Variants in HS3ST1 observed in about 807,000 individuals in gnomAD.
The protein encoded by HS3ST1 is heparan sulfate-glucosamine 3-sulfotransferase 1, also known as heparan sulfate glucosamine 3-O-sulfotransferase 1.
In HS3ST1, 8 loss-of-function variants were observed where a neutral mutation model predicts 20.7. The ratio of observed to expected loss-of-function variants is 0.39; its 90% confidence interval spans 0.23 to 0.70. The LOEUF (loss-of-function observed/expected upper bound fraction) is 0.70, where lower values mean the gene tolerates loss of function less well. Among genes scored for constraint, HS3ST1 ranks in the 30% least tolerant of loss-of-function variants. HS3ST1 has a pLI of 0.46. For synonymous variants in HS3ST1, 205 were observed against 190.4 expected, an observed-to-expected ratio of 1.08 and a Z score of -0.63; for missense variants, 436 against 423.4, an observed-to-expected ratio of 1.03 and a Z score of -0.26.
Position 11,398,806 on chromosome 4 carries a change from C to CTTTT in HS3ST1, c.*272_*275dup. On this transcript the variant is annotated 3_prime_UTR_variant, in exon 2 of 2. Transcript: ENST00000002596. The stretch of plus-strand genomic sequence containing the variant: ...AAAACATAGCGTCTCCAGAAAAAAT[C>CTTTT]TTTTTTTTTTTTTCAGTGAAATAGT... The CTTTT allele has an allele frequency of 4.5e-6, 1 of 222,972 alleles. No homozygotes were observed. The highest frequency in any genetic ancestry group is 8.4e-6 in the Non-Finnish European group (1 of 119,748). 13.8% of individuals were successfully genotyped at this position (222,972 alleles called of 1,614,324 possible). A position where few individuals can be genotyped will look rare whatever the true frequency, so the allele number is the denominator to read the frequency against.
In HS3ST1 at chr4:11,399,704, C is replaced by T; in HGVS notation, c.302G>A (p.Gly101Asp). 3 of 1,613,892 alleles carry T rather than the reference C, an allele frequency of 1.9e-6. No homozygotes were observed. The highest frequency in any genetic ancestry group is 2.5e-6 in the Non-Finnish European group (3 of 1,180,036). Reference protein sequence around the residue: ...DWEEHYSHGLGWYLSQMPFSW... With the variant: ...DWEEHYSHGLDWYLSQMPFSW... ...GAAGGGCATCTGGCTGAGGTACCAG[C>T]CCAAGCCGTGGCTGTAATGCTCCTC... Residue 101 changes from glycine to aspartate, a missense_variant, in exon 2 of 2, where the codon GGC (glycine) becomes GAC (aspartate). Gly to Asp is a moderately conservative substitution (Grantham distance 94). Coordinates refer to ENST00000002596, the MANE Select transcript of HS3ST1 (RefSeq NM_005114.4). The surrounding 1 kb of genome is among the most constrained non-coding windows in gnomAD (Gnocchi z 5.1).
intron 1 of HS3ST1, among the ~76,000 whole-genome samples, chr4:11,410,749 A>G (rs928058859): frequency 6.6e-5 from 10 of 152,120 alleles, no homozygotes; most frequent in Admixed American, 5.2e-4. Flanking sequence ...AAAATTAGCC[A>G]GGCGTGGTGG....
rs116022763 is a variant in HS3ST1 at position 11,408,661 on chromosome 4, A to G, written c.-108-8548T>C. On this transcript the variant is annotated intron_variant, in intron 1 of 1. Transcript: ENST00000002596. ...TGCACAGAAGGCAGCAGTGACCTAAATAAATCCTTCATTAGAAGCAGAAAC... is the reference window on the plus strand; with the variant it reads ...TGCACAGAAGGCAGCAGTGACCTAAGTAAATCCTTCATTAGAAGCAGAAAC... Among the ~76,000 whole-genome samples the G allele has an allele frequency of 4.8e-3, 735 of 152,346 alleles. 5 individuals carry two copies. Among genetic ancestry groups the G allele is most frequent in the African/African-American group, 0.017 (695 of 41,584 alleles).
intron 1 of HS3ST1, among the ~76,000 whole-genome samples, chr4:11,410,018 A>G (rs1718576119): frequency 1.3e-5 from 2 of 152,252 alleles, no homozygotes; most frequent in Admixed American, 1.3e-4. Context: ...ATAAATGGAT[A>G]TAAGTTGCCA....
At chr4:11,418,391 G>A (rs1418583099) in intron 1 of HS3ST1, among the ~76,000 whole-genome samples, 1 of 152,194 alleles carries the variant, frequency 6.6e-6, no homozygotes, top group Non-Finnish European at 1.5e-5. Flanking sequence ...ATTATGAAAT[G>A]TGATTCTCAC....
upstream of HS3ST1, among the ~76,000 whole-genome samples, chr4:11,431,250 A>AAC (rs59190420): frequency 2.0e-5 from 3 of 151,342 alleles, no homozygotes; most frequent in African/African-American, 7.3e-5. Flanking sequence ...AAAAAAAAAA[A>AAC]CTTTGTAAAT....
chr4:11,401,582 G>T (rs1482295513), intron 1 of HS3ST1, among the ~76,000 whole-genome samples: 2 of 152,138 alleles, frequency 1.3e-5, no homozygotes, highest in Admixed American at 6.5e-5. Context: ...ACCCTCAGGT[G>T]ATCTGCCTGC....
intron 1 of HS3ST1, among the ~76,000 whole-genome samples, chr4:11,415,524 CTT>C (rs1296858063): frequency 2.0e-5 from 3 of 152,150 alleles, no homozygotes; most frequent in South Asian, 2.1e-4. Flanking sequence ...TTAGTAATAA[CTT>C]AGGTTTAACA....
intron 1 of HS3ST1, among the ~76,000 whole-genome samples, chr4:11,401,778 T>A (rs1332343918): frequency 6.6e-6 from 1 of 152,230 alleles, no homozygotes. Context: ...TCCACAAAAC[T>A]TCTCCTCTTT....
At chr4:11,434,138 G>A (rs1399834636), upstream of HS3ST1, among the ~76,000 whole-genome samples, 1 of 152,164 alleles carries the variant, frequency 6.6e-6, no homozygotes, top group Non-Finnish European at 1.5e-5. Flanking sequence ...TTACACAATG[G>A]TAGAGTTCTC....
At chr4:11,421,884 A>G (rs1718947785) in intron 1 of HS3ST1, among the ~76,000 whole-genome samples, 1 of 152,206 alleles carries the variant, frequency 6.6e-6, no homozygotes, top group Admixed American at 6.5e-5. Context: ...TCTCTAAGAA[A>G]AGTTTCTTCA....
At chr4:11,431,500 G>A (rs921823705), upstream of HS3ST1, among the ~76,000 whole-genome samples, 2 of 152,128 alleles carry the variant, frequency 1.3e-5, no homozygotes, top group Non-Finnish European at 2.9e-5. Flanking sequence ...TGAGCACCTA[G>A]TATGTGTACA....
intron 1 of HS3ST1, among the ~76,000 whole-genome samples, chr4:11,426,340 C>T (rs1189354290): frequency 4.7e-5 from 7 of 148,874 alleles, no homozygotes; most frequent in Non-Finnish European, 7.4e-5. Flanking sequence ...AGAGAAGCTT[C>T]CATGTGGCTT....
intron 1 of HS3ST1, among the ~76,000 whole-genome samples, chr4:11,410,046 GAAAAAA>G (rs1158986158): frequency 3.3e-5 from 5 of 152,064 alleles, no homozygotes; most frequent in African/African-American, 1.2e-4. Flanking sequence ...TGAAGAAAAG[GAAAAAA>G]TAAAAATAAA....
chr4:11,415,834 C>T (rs570447624), intron 1 of HS3ST1, among the ~76,000 whole-genome samples: 4 of 152,338 alleles, frequency 2.6e-5, no homozygotes, highest in African/African-American at 9.6e-5. Context: ...AAACCAAACA[C>T]ATGGGTTTGT....
In HS3ST1 at chr4:11,399,081, A is replaced by G. The variant is rs774394079; in HGVS notation, c.*1T>C. On this transcript the variant is annotated 3_prime_UTR_variant, in exon 2 of 2. Coordinates refer to ENST00000002596, the MANE Select transcript of HS3ST1 (RefSeq NM_005114.4). The surrounding 1 kb of genome is among the most constrained non-coding windows in gnomAD (Gnocchi z 5.1). ...AGTTTCTGAGCTTAGCTTATTGCAA[A>G]TCAGTGCCAGTCAAATGTTCTGCCA... 3.1e-5 allele frequency: 50 copies of G among 1,607,846 alleles called. No individual in the cohort carries two copies. The highest frequency in any genetic ancestry group is 4.0e-5 in the Non-Finnish European group (47 of 1,175,306).
At chr4:11,406,569 C>T (rs187031630) in intron 1 of HS3ST1, among the ~76,000 whole-genome samples, 2 of 152,322 alleles carry the variant, frequency 1.3e-5, no homozygotes, top group East Asian at 3.9e-4. Flanking sequence ...ATGACCTCCT[C>T]AAGGTCACAG....
At chr4:11,410,068 CTGAA>C (rs1391889464) in intron 1 of HS3ST1, among the ~76,000 whole-genome samples, 1 of 152,196 alleles carries the variant, frequency 6.6e-6, no homozygotes, top group African/African-American at 2.4e-5. Context: ...ATAAAAAAGA[CTGAA>C]TGGCAAGTCT....
At chr4:11,413,117 C>G (rs569142027) in intron 1 of HS3ST1, among the ~76,000 whole-genome samples, 2 of 152,176 alleles carry the variant, frequency 1.3e-5, no homozygotes, top group African/African-American at 4.8e-5. Flanking sequence ...AAGTCAGTTT[C>G]TGTTGTTCAT....
Sources: gnomAD v4.1 joint callset for allele counts (sites outside exome capture counted in the v4.1 genomes callset) on GRCh38, gnomAD v4.1.1 for gene constraint, Gnocchi (gnomAD v3.1) non-coding constraint, MANE v1.5 for transcripts, NCBI Gene and HGNC (gene_info 2026-07-23, HGNC 2026-07-21) for gene names.